C1orf21: variants seen among roughly 807,000 people sequenced by gnomAD.
C1orf21 encodes uncharacterized protein C1orf21.
C1orf21 carries 3 observed loss-of-function variants against 18.7 expected under a neutral mutation model. That is an observed-to-expected ratio of 0.16 (90% CI 0.07 to 0.42). The LOEUF (loss-of-function observed/expected upper bound fraction) is 0.42. Ranked by LOEUF, C1orf21 falls within the 10% of genes least tolerant of loss-of-function variation. C1orf21 has a pLI of 0.99. For synonymous variants in C1orf21, 41 were observed against 46.4 expected (o/e 0.88, Z 0.47); for missense variants, 104 against 143.6 (o/e 0.72, Z 1.41).
At chr1:184,614,545 G>A (rs1294758170) in intron 5 of C1orf21, among the ~76,000 whole-genome samples, 1 of 146,816 alleles carries the variant, frequency 6.8e-6, no homozygotes, top group Non-Finnish European at 1.5e-5. Context: ...GACTGGTTTT[G>A]TGGAAGACAA....
chr1:184,451,470 T>G (rs60393727), intron 1 of C1orf21, among the ~76,000 whole-genome samples: 1 of 146,180 alleles, frequency 6.8e-6, no homozygotes, highest in Non-Finnish European at 1.5e-5. Context: ...TAATTTTTTT[T>G]TTTTTTTTTT....
chr1:184,616,044 A>G (rs1659818331), intron 5 of C1orf21, among the ~76,000 whole-genome samples: 1 of 152,096 alleles, frequency 6.6e-6, no homozygotes, highest in South Asian at 2.1e-4. Context: ...CTTCTTAACC[A>G]TCCCCTCTTC....
chr1:184,479,368 T>C (rs1206245432), intron 2 of C1orf21, among the ~76,000 whole-genome samples: 1 of 151,244 alleles, frequency 6.6e-6, no homozygotes, highest in African/African-American at 2.5e-5. Context: ...GAGCTACCAT[T>C]TATGGAGCCG....
At chr1:184,506,827 CTCTG>C (rs1364563678) in intron 2 of C1orf21, among the ~76,000 whole-genome samples, 1 of 152,112 alleles carries the variant, frequency 6.6e-6, no homozygotes, top group African/African-American at 2.4e-5. Flanking sequence ...GATCTGTGTT[CTCTG>C]TCTGGCTGTT....
intron 5 of C1orf21, among the ~76,000 whole-genome samples, chr1:184,604,436 C>T (rs556844286): frequency 5.4e-4 from 83 of 152,316 alleles, no homozygotes; most frequent in Non-Finnish European, 9.3e-4. Flanking sequence ...TAGCAGTGGG[C>T]AGGGCTGCCA....
intron 3 of C1orf21, among the ~76,000 whole-genome samples, chr1:184,551,936 C>T (rs867300667): frequency 3.3e-5 from 4 of 121,620 alleles, no homozygotes; most frequent in African/African-American, 1.4e-4. Context: ...AGAAAGAGAC[C>T]CTGTCTTAAA....
intron 2 of C1orf21, among the ~76,000 whole-genome samples, chr1:184,493,193 T>C (rs929411223): frequency 6.6e-5 from 10 of 152,212 alleles, no homozygotes; most frequent in Admixed American, 2.0e-4. Context: ...TAAAGTTTCT[T>C]GGTTGGAACA....
intron 5 of C1orf21, among the ~76,000 whole-genome samples, chr1:184,612,150 C>T (rs1304317040): frequency 6.6e-6 from 1 of 152,206 alleles, no homozygotes; most frequent in African/African-American, 2.4e-5. Flanking sequence ...CCAGTGTCAT[C>T]CAGACAGGTA....
intron 1 of C1orf21, among the ~76,000 whole-genome samples, chr1:184,421,059 A>C (rs1364291622): frequency 6.6e-6 from 1 of 152,126 alleles, no homozygotes. Context: ...TCATAGTTTC[A>C]CCATTGTTTT....
intron 3 of C1orf21, chr1:184,545,774 A>C (rs976851801): frequency 6.6e-6 from 1 of 152,132 alleles, no homozygotes. Flanking sequence ...TCTGCCTGGA[A>C]TCTCATGAAT....
rs1010376164 is a variant in C1orf21 at position 184,625,826 on chromosome 1, G to A, written c.*6270G>A. The stretch of plus-strand genomic sequence containing the variant: ...ATGCCCTACTACATCTGCTTGACTC[G>A]TCTGGGCTGCTAGCCGGGGTGTTGT... On this transcript the variant is annotated 3_prime_UTR_variant, in exon 6 of 6. Transcript: ENST00000235307. 12 of 152,254 alleles carry A rather than the reference G, an allele frequency of 7.9e-5. No homozygotes were observed. Among genetic ancestry groups the A allele is most frequent in the Non-Finnish European group, 1.5e-4 (10 of 68,098 alleles). 9.4% of individuals were successfully genotyped at this position (152,254 alleles called of 1,614,324 possible).
chr1:184,494,342 T>C (rs1398842323), intron 2 of C1orf21, among the ~76,000 whole-genome samples: 1 of 152,178 alleles, frequency 6.6e-6, no homozygotes, highest in Non-Finnish European at 1.5e-5. Flanking sequence ...ACTGTACTGC[T>C]CTGTACACTG....
chr1:184,572,506 A>G (rs1438941924), intron 3 of C1orf21, among the ~76,000 whole-genome samples: 1 of 152,230 alleles, frequency 6.6e-6, no homozygotes, highest in African/African-American at 2.4e-5. Flanking sequence ...AGTGAAATTT[A>G]GAGAAATGGG....
At chr1:184,513,030 TG>T (rs1374845124) in intron 3 of C1orf21, among the ~76,000 whole-genome samples, 1 of 152,252 alleles carries the variant, frequency 6.6e-6, no homozygotes, top group Non-Finnish European at 1.5e-5. Context: ...ATGCTCCTTA[TG>T]AGATTCTTAA....
chr1:184,579,343 C>T (rs1659241537), intron 3 of C1orf21, among the ~76,000 whole-genome samples: 1 of 146,152 alleles, frequency 6.8e-6, no homozygotes, highest in Non-Finnish European at 1.5e-5. Flanking sequence ...TGAACTACTA[C>T]ACCTGACCTA....
At chr1:184,594,391 C>T (rs182343700) in intron 4 of C1orf21, among the ~76,000 whole-genome samples, 115 of 152,246 alleles carry the variant, frequency 7.6e-4, no homozygotes, top group Middle Eastern at 3.4e-3. Context: ...ACAGATTTAA[C>T]AGGAGAAAAG....
intron 3 of C1orf21, among the ~76,000 whole-genome samples, chr1:184,552,049 A>G (rs1244043001): frequency 3.3e-5 from 5 of 152,174 alleles, no homozygotes; most frequent in African/African-American, 1.2e-4. Flanking sequence ...ATTTGCATAC[A>G]CAAATTTGAA....
intron 4 of C1orf21, among the ~76,000 whole-genome samples, chr1:184,596,899 A>G (rs1157420509): frequency 6.6e-6 from 1 of 151,780 alleles, no homozygotes; most frequent in Non-Finnish European, 1.5e-5. Context: ...GAAAGAAAGA[A>G]AAGAAAAGAA....
At chr1:184,480,586 A>G (rs891863889) in intron 2 of C1orf21, among the ~76,000 whole-genome samples, 1 of 152,222 alleles carries the variant, frequency 6.6e-6, no homozygotes, top group Non-Finnish European at 1.5e-5. Context: ...GTGTTAGTCA[A>G]CTATTGCTGC....
Sources: gnomAD v4.1 joint callset for allele counts (sites outside exome capture counted in the v4.1 genomes callset) on GRCh38, gnomAD v4.1.1 for gene constraint, MANE v1.5 for transcripts, NCBI Gene and HGNC (gene_info 2026-07-23, HGNC 2026-07-21) for gene names.